The following DOCK4 variants were observed in gnomAD, a reference collection of about 807,000 sequenced individuals.
DOCK4 encodes the protein dedicator of cytokinesis 4, also known as dedicator of cytokinesis protein 4.
DOCK4 carries 97 observed loss-of-function variants against 268.1 expected under a neutral mutation model. The ratio of observed to expected loss-of-function variants is 0.36; its 90% CI spans 0.31 to 0.43. The LOEUF is 0.43. DOCK4 is among the 20% of genes least tolerant of loss of function. DOCK4 has a pLI of 1.00. For synonymous variants in DOCK4, 954 were observed against 887.2 expected (o/e 1.08, Z -1.34); for missense variants, 2,145 against 2,455.7 (o/e 0.87, Z 2.67).
intron 1 of DOCK4, among the ~76,000 whole-genome samples, chr7:112,076,494 G>C (rs1330988315): frequency 6.6e-6 from 1 of 152,020 alleles, no homozygotes; most frequent in African/African-American, 2.4e-5. Flanking sequence ...CATGATCAAA[G>C]ACATCTGGCT....
At chr7:111,797,843 A>AT (rs1327729154) in intron 30 of DOCK4, among the ~76,000 whole-genome samples, 1 of 152,144 alleles carries the variant, frequency 6.6e-6, no homozygotes, top group Non-Finnish European at 1.5e-5. Flanking sequence ...CTTACCCCTA[A>AT]TTCAATCAAG....
At chr7:111,904,632 T>C (rs1791409782) in intron 13 of DOCK4, among the ~76,000 whole-genome samples, 1 of 152,148 alleles carries the variant, frequency 6.6e-6, no homozygotes, top group Admixed American at 6.5e-5. Context: ...CAAAAGAGAT[T>C]CTGAATTCAA....
chr7:111,784,353 T>G (rs1327515989), intron 32 of DOCK4: 2 of 688,910 alleles, frequency 2.9e-6, no homozygotes, highest in Non-Finnish European at 2.7e-6. Context: ...AAGCAAGATC[T>G]TGCTTTATTC....
chr7:111,732,617 T>C (rs951664677), intron 51 of DOCK4: 3 of 279,792 alleles, frequency 1.1e-5, no homozygotes, highest in African/African-American at 6.5e-5. Context: ...ATCTGTCTCA[T>C]AAGGTGCTTT....
chr7:112,193,169 A>T (rs901932969), intron 1 of DOCK4, among the ~76,000 whole-genome samples: 2 of 151,996 alleles, frequency 1.3e-5, no homozygotes, highest in African/African-American at 4.8e-5. Flanking sequence ...GCATCTGAAG[A>T]CTCTACCTCT....
In DOCK4 at chr7:111,841,049, C is replaced by T. The variant is rs551626350; in HGVS notation, c.2736+3714G>A. Among the ~76,000 whole-genome samples the T allele has an allele frequency of 2.3e-4, 35 of 152,294 alleles. No homozygotes were observed. The South Asian group carries it at 4.8e-3, about 21-fold the overall frequency. Reference sequence around the variant, plus strand: ...CTTCTGCTGCTACCACAATGACTAACGGTCAGCATTTATTGAGTATCAGAC... The same window carrying T: ...CTTCTGCTGCTACCACAATGACTAATGGTCAGCATTTATTGAGTATCAGAC... On this transcript the variant is annotated intron_variant, in intron 25 of 52. Coordinates refer to ENST00000428084, the MANE Select transcript of DOCK4 (RefSeq NM_001363540.2).
At chr7:112,128,295 G>C (rs562644217) in intron 1 of DOCK4, among the ~76,000 whole-genome samples, 8 of 151,398 alleles carry the variant, frequency 5.3e-5, no homozygotes, top group South Asian at 2.1e-4. Context: ...AGGGAGGTGG[G>C]GGGGGTCAGC....
chr7:111,891,166 T>C (rs1280761171), intron 16 of DOCK4, among the ~76,000 whole-genome samples: 2 of 148,400 alleles, frequency 1.3e-5, no homozygotes, highest in Non-Finnish European at 3.0e-5. Flanking sequence ...TTCTGTCTCT[T>C]CCTATTTTTG....
At chr7:111,775,199 T>G (rs950989376) in intron 36 of DOCK4, among the ~76,000 whole-genome samples, 17 of 152,332 alleles carry the variant, frequency 1.1e-4, no homozygotes, top group African/African-American at 3.8e-4. Flanking sequence ...ATAGTGATGC[T>G]ACTAATTGAG....
At position 111,940,145 on chromosome 7, in the gene DOCK4, T is replaced by G; in HGVS notation, c.942A>C (p.Gly314=). The G allele has an allele frequency of 6.2e-7, 1 of 1,614,024 alleles. No individual in the cohort carries two copies. The highest frequency in any genetic ancestry group is 8.5e-7 in the Non-Finnish European group (1 of 1,179,896). ...TCAGAATGAGGTCATCCTTTGTCTCTCCTGTTAGCAGGTCAGCGATGCTAA... is the reference window on the plus strand; with the variant it reads ...TCAGAATGAGGTCATCCTTTGTCTCGCCTGTTAGCAGGTCAGCGATGCTAA... ...AVLSIADLLT[G]ETKDDLILKV... is the part of the protein sequence containing the mutation. The change falls in exon 11 of 53, where the codon GGA becomes GGC. Residue 314 remains glycine (G), a synonymous_variant. Transcript: ENST00000428084.
chr7:111,983,850 G>A (rs142183306), intron 7 of DOCK4, among the ~76,000 whole-genome samples: 3,650 of 60,310 alleles, frequency 0.061, 136 homozygotes, highest in African/African-American at 0.17. Flanking sequence ...ACACACGCGC[G>A]CGCGCGCGCG....
intron 1 of DOCK4, among the ~76,000 whole-genome samples, chr7:112,069,161 C>A (rs992199025): frequency 5.9e-5 from 9 of 152,130 alleles, no homozygotes; most frequent in African/African-American, 2.2e-4. Flanking sequence ...GGCTTGTACA[C>A]CAAGCCGTCT....
In DOCK4 at chr7:111,728,608, C is replaced by A. The variant is rs775758943; in HGVS notation, c.5594G>T (p.Arg1865Leu). Residue 1865 changes from arginine (R) to leucine (L), a missense_variant, in exon 53 of 53, where the codon CGG becomes CTG. This residue lies in a region of DOCK4 where 547 missense variants were observed against 469.0 expected (regional missense o/e 1.17). Coordinates refer to ENST00000428084, the MANE Select transcript of DOCK4 (RefSeq NM_001363540.2). ...GCCTGAGGTTTCCGACGTGCTGCACCGGCTGAGAGAAGAAATCCCACTGCT... is the reference window on the plus strand; with the variant it reads ...GCCTGAGGTTTCCGACGTGCTGCACAGGCTGAGAGAAGAAATCCCACTGCT... ...SYSSGISSLS[R>L]CSTSETSGFE... is the part of the protein sequence containing the mutation. 1 of 1,614,000 alleles carries A rather than the reference C, an allele frequency of 6.2e-7. No homozygotes were observed. Among genetic ancestry groups the A allele is most frequent in the South Asian group, 1.1e-5 (1 of 91,086 alleles).
chr7:111,855,989 G>A (rs1417890115), intron 23 of DOCK4, among the ~76,000 whole-genome samples: 1 of 152,176 alleles, frequency 6.6e-6, no homozygotes, highest in East Asian at 1.9e-4. Flanking sequence ...AGCTTAAACA[G>A]GAAGAGTGAG....
At chr7:111,925,902 A>T (rs1793578245) in intron 12 of DOCK4, among the ~76,000 whole-genome samples, 1 of 151,978 alleles carries the variant, frequency 6.6e-6, no homozygotes, top group Admixed American at 6.6e-5. Context: ...CCTGGCCAAC[A>T]TGGTAAAACC....
intron 39 of DOCK4, among the ~76,000 whole-genome samples, chr7:111,764,829 T>C (rs1797671189): frequency 6.6e-6 from 1 of 151,882 alleles, no homozygotes; most frequent in Non-Finnish European, 1.5e-5. Context: ...TAATACTAAC[T>C]TGATGGAAAT....
chr7:111,795,081 T>C (rs1799798636), intron 30 of DOCK4, among the ~76,000 whole-genome samples: 1 of 152,152 alleles, frequency 6.6e-6, no homozygotes, highest in South Asian at 2.1e-4. Context: ...TGTCCCATAT[T>C]AATCCATCAT....
In DOCK4 at chr7:112,000,533, G is replaced by T; in HGVS notation, c.123C>A (p.Gly41=). The T allele has an allele frequency of 6.5e-7, 1 of 1,546,462 alleles. No homozygotes were observed. Among genetic ancestry groups the T allele is most frequent in the Non-Finnish European group, 8.8e-7 (1 of 1,138,308 alleles). The part of the protein sequence containing the change: ...DTVQILEKCD[G]WYRGFALKNP... Reference sequence around the variant, plus strand: ...TTTTTAAGGCAAATCCTCTGTACCAGCCTGTGGAAAAATAATCATGGTCAT... The same window carrying T: ...TTTTTAAGGCAAATCCTCTGTACCATCCTGTGGAAAAATAATCATGGTCAT... The change falls in exon 3 of 53, where the codon GGC becomes GGA. Residue 41 remains glycine, a splice_region_variant and synonymous_variant. Transcript: ENST00000428084.
chr7:111,847,033 C>G lies in DOCK4; in HGVS notation c.2567G>C (p.Ser856Thr), dbSNP rs1563583951. Residue 856 changes from serine (S) to threonine (T), a missense_variant, in exon 24 of 53, where the codon AGC becomes ACC. Physicochemically the swap from Ser to Thr is moderately conservative, Grantham distance 58. Transcript: ENST00000428084. Reference protein sequence around the residue: ...KDLIMCARILSNVFCLIKKNS... With the variant: ...KDLIMCARILTNVFCLIKKNS... ...TTTCTTGATAAGACAAAATACGTTG[C>G]TAAGGATACGTGCACACATGATCAG... 1.2e-6 allele frequency: 2 copies of G among 1,613,698 alleles called. No homozygotes were observed. The highest frequency in any genetic ancestry group is 8.5e-7 in the Non-Finnish European group (1 of 1,179,708).
Sources: allele counts gnomAD v4.1 joint callset (sites outside exome capture counted in the v4.1 genomes callset), GRCh38; gene constraint gnomAD v4.1.1; regional missense constraint gnomAD v4.1.1; transcripts MANE v1.5; gene names NCBI Gene and HGNC (gene_info 2026-07-23, HGNC 2026-07-21).